Variants in NME8 observed in about 807,000 individuals in gnomAD.
NME8 encodes the protein protein NME8.
NME8 carries 72 observed loss-of-function variants against 82.3 expected under a neutral mutation model. The ratio of observed to expected loss-of-function variants is 0.87; its 90% CI spans 0.72 to 1.06. NME8 has a LOEUF of 1.06. Ranked by LOEUF, NME8 falls within the 50% of genes least tolerant of loss-of-function variation. NME8 has a pLI of 0.00. For missense variants in NME8, 712 were observed against 685.4 expected (o/e 1.04, Z -0.43); for synonymous variants, 267 against 228.5 (o/e 1.17, Z -1.52).
Position 37,864,665 on chromosome 7 carries a change from C to A in NME8, c.528+244C>A, listed in dbSNP as rs2598032. On this transcript the variant is annotated intron_variant, in intron 9 of 17. Transcript: ENST00000199447. ...ATTTTAAAAAATTATAGTTCTTATA[C>A]TAGATTGTATATTAGTCTGTCTTCA... Among the ~76,000 whole-genome samples the A allele has an allele frequency of 0.15, 23,395 of 152,062 alleles. 2,148 individuals are homozygous for A. Among genetic ancestry groups the A allele is most frequent in the Admixed American group, 0.23 (3,490 of 15,244 alleles).
intron 5 of NME8, among the ~76,000 whole-genome samples, chr7:37,855,137 G>C (rs1348479625): frequency 6.6e-6 from 1 of 152,084 alleles, no homozygotes; most frequent in African/African-American, 2.4e-5. Context: ...GAGACAAGTA[G>C]ATCATTTTGA....
chr7:37,884,238 A>C, intron 12 of NME8, 65 bp from the exon 13 acceptor site: 2 of 1,110,786 alleles, frequency 1.8e-6, no homozygotes, highest in Non-Finnish European at 2.8e-6. Context: ...ATAGTATATT[A>C]TGTATTGTGT....
chr7:37,877,181 A>G (rs1402206712), intron 12 of NME8, among the ~76,000 whole-genome samples, 174 bp downstream of exon 12: 1 of 152,238 alleles, frequency 6.6e-6, no homozygotes, highest in Non-Finnish European at 1.5e-5. Flanking sequence ...ACATATTTGT[A>G]GCTGAAGAGT....
intron 14 of NME8, among the ~76,000 whole-genome samples, chr7:37,885,876 C>G (rs552768254): frequency 2.6e-5 from 4 of 152,196 alleles, no homozygotes; most frequent in Non-Finnish European, 5.9e-5. Context: ...ATTTCAATTC[C>G]CTTGAATTCT....
rs767197340 is a variant in NME8 at position 37,894,496 on chromosome 7, G to T, written c.1430G>T (p.Gly477Val). Residue 477 changes from glycine to valine, a missense_variant, in exon 16 of 18, where the codon GGA (glycine) becomes GTA (valine). Coordinates refer to ENST00000199447, the MANE Select transcript of NME8 (RefSeq NM_016616.5). ...EQILKIVKEA[G>V]FDLTQVKKMF... The stretch of plus-strand genomic sequence containing the variant: ...ATCCTGAAGATAGTTAAGGAGGCTG[G>T]ATTTGATCTGACACAGGTGAAGAAA... 1 of 1,613,118 alleles carries T rather than the reference G, an allele frequency of 6.2e-7. No individual in the cohort carries two copies. The highest frequency in any genetic ancestry group is 1.7e-5 in the Admixed American group (1 of 59,936).
At chr7:37,863,549 A>T (rs1026450006) in intron 8 of NME8, 87 bp downstream of exon 8, 3 of 787,820 alleles carry the variant, frequency 3.8e-6, no homozygotes, top group Non-Finnish European at 6.9e-6. Context: ...AAACACTGGT[A>T]ACAAATCCAT....
chr7:37,894,372 T>C, intron 15 of NME8, 94 bp from the exon 16 acceptor site: 3 of 1,338,364 alleles, frequency 2.2e-6, no homozygotes, highest in Non-Finnish European at 3.2e-6. Flanking sequence ...AATATGCAAA[T>C]TAAACTATCA....
Position 37,857,295 on chromosome 7 carries a change from A to C in NME8, c.220A>C (p.Thr74Pro). 6.2e-7 allele frequency: 1 copy of C among 1,611,578 alleles called. No homozygotes were observed. The highest frequency in any genetic ancestry group is 8.5e-7 in the Non-Finnish European group (1 of 1,178,414). ...FAVAEADNIV[T>P]LQPFRDKCEP... ...CCAGGCAGAAGCTGACAACATTGTG[A>C]CTTTGCAGCCATTTAGAGATAAATG... Residue 74 changes from threonine to proline, a missense_variant, in exon 6 of 18, where the codon ACT becomes CCT. By Grantham distance (38) the Thr-to-Pro change is conservative. Transcript: ENST00000199447.
chr7:37,865,454 A>C (rs1235203506), intron 9 of NME8, 71 bp from the exon 10 acceptor site: 1 of 1,115,218 alleles, frequency 9.0e-7, no homozygotes, highest in African/African-American at 1.5e-5. Context: ...TGTTAAGCCC[A>C]AAAAACAAAC....
At chr7:37,877,366 C>A (rs1264788743) in intron 12 of NME8, among the ~76,000 whole-genome samples, 1 of 152,100 alleles carries the variant, frequency 6.6e-6, no homozygotes, top group Admixed American at 6.6e-5. Context: ...TATTTCTTCA[C>A]GTGTAAAATT....
chr7:37,862,814 T>C (rs1418511983), intron 7 of NME8, among the ~76,000 whole-genome samples: 1 of 152,156 alleles, frequency 6.6e-6, no homozygotes, highest in Admixed American at 6.5e-5. Context: ...TTATCTCCCA[T>C]GCTCTTATTA....
intron 11 of NME8, among the ~76,000 whole-genome samples, chr7:37,874,095 A>G (rs1437411886): frequency 2.6e-5 from 4 of 152,170 alleles, no homozygotes; most frequent in Non-Finnish European, 5.9e-5. Context: ...TTAGCAATAT[A>G]TCACCTATAT....
Position 37,876,791 on chromosome 7 carries a change from C to T in NME8, c.819-41C>T, listed in dbSNP as rs770757133. 4 of 1,387,020 alleles carry T rather than the reference C, an allele frequency of 2.9e-6. No homozygotes were observed. In the South Asian group the frequency reaches 4.8e-5, roughly 17 times the overall value. 85.9% of individuals were successfully genotyped at this position (1,387,020 alleles called of 1,614,324 possible). A position where few individuals can be genotyped will look rare whatever the true frequency, so the allele number is the denominator to read the frequency against. ...AATTTGTTGGCATGGTTATAAACCT[C>T]AGTTTATAATAATCTTAAATTATAT... On this transcript the variant is annotated intron_variant, in intron 11 of 17. Coordinates refer to ENST00000199447, the MANE Select transcript of NME8 (RefSeq NM_016616.5).
chr7:37,895,450 A>T (rs1785210989), intron 16 of NME8, among the ~76,000 whole-genome samples: 11 of 152,156 alleles, frequency 7.2e-5, no homozygotes, highest in Admixed American at 6.6e-4. Context: ...CCAGGGCTAG[A>T]AGTTGTCCGC....
At chr7:37,876,076 G>A (rs910596857) in intron 11 of NME8, among the ~76,000 whole-genome samples, 1 of 145,566 alleles carries the variant, frequency 6.9e-6, no homozygotes, top group Non-Finnish European at 1.5e-5. Context: ...TGGGCTGGGG[G>A]TGTGCGCCTG....
chr7:37,872,060 C>T (rs1170034432), intron 11 of NME8, among the ~76,000 whole-genome samples: 19 of 151,786 alleles, frequency 1.3e-4, no homozygotes, highest in Admixed American at 1.2e-3. Context: ...TTTTCTCCAC[C>T]GAGAGTTTGG....
At chr7:37,864,892 G>A (rs1784654066) in intron 9 of NME8, among the ~76,000 whole-genome samples, 1 of 152,100 alleles carries the variant, frequency 6.6e-6, no homozygotes, top group African/African-American at 2.4e-5. Context: ...GATCTCATGA[G>A]ACTCATTCAC....
intron 10 of NME8, among the ~76,000 whole-genome samples, chr7:37,867,243 G>A (rs1405724535): frequency 1.3e-5 from 2 of 150,972 alleles, no homozygotes; most frequent in African/African-American, 4.9e-5. Context: ...TAAAGATCTT[G>A]AGGCCCACAA....
intron 7 of NME8, among the ~76,000 whole-genome samples, 181 bp downstream of exon 7, chr7:37,862,325 A>G (rs1784608593): frequency 6.6e-6 from 1 of 152,198 alleles, no homozygotes; most frequent in African/African-American, 2.4e-5. Flanking sequence ...TAATTTTGTA[A>G]CTATCCAGGT....
Sources: gnomAD v4.1 joint callset for allele counts (sites outside exome capture counted in the v4.1 genomes callset) on GRCh38, gnomAD v4.1.1 for gene constraint, MANE v1.5 for transcripts, NCBI Gene and HGNC (gene_info 2026-07-23, HGNC 2026-07-21) for gene names.